PUF60: variants seen among roughly 807,000 people sequenced by gnomAD.
PUF60 encodes poly(U)-binding-splicing factor PUF60.
A neutral mutation model predicts 61.8 loss-of-function variants in PUF60; 10 were observed. The observed-to-expected ratio is 0.16, with a 90% CI of 0.10 to 0.27. The LOEUF (loss-of-function observed/expected upper bound fraction) is 0.27, where lower values mean the gene tolerates loss of function less well. Ranked by LOEUF, PUF60 falls within the 10% of genes least tolerant of loss-of-function variation. PUF60 has a pLI of 1.00. For synonymous variants in PUF60, 353 were observed against 300.9 expected (o/e 1.17, Z -1.79); for missense variants, 371 against 754.0 (o/e 0.49, Z 5.95).
At chr8:143,819,886 G>A (rs931122744) in intron 5 of PUF60, among the ~76,000 whole-genome samples, 3 of 152,000 alleles carry the variant, frequency 2.0e-5, no homozygotes, top group Non-Finnish European at 4.4e-5. Flanking sequence ...CCCCCAGCCC[G>A]GGCTCCCATT....
At chr8:143,820,454 G>A in intron 5 of PUF60, 1 of 612,214 alleles carries the variant, frequency 1.6e-6, no homozygotes, top group South Asian at 1.9e-5. Context: ...TTTAAGGTGG[G>A]CCCTCAGAGC....
rs150860124 is a variant in PUF60 at position 143,824,211 on chromosome 8, C to T, written c.111+102G>A. ...AGGGTTCCCGAGGTTCCTCCCGCCCCGCCCCCAGCCAGCCCTCTCTGGGCC... is the reference window on the plus strand; with the variant it reads ...AGGGTTCCCGAGGTTCCTCCCGCCCTGCCCCCAGCCAGCCCTCTCTGGGCC... On this transcript the variant is annotated intron_variant, in intron 2 of 11. Coordinates refer to ENST00000526683, the MANE Select transcript of PUF60 (RefSeq NM_078480.3). 5,287 of 1,252,766 alleles carry T rather than the reference C, an allele frequency of 4.2e-3. 172 individuals are homozygous for T. In the African/African-American group the frequency reaches 0.067, roughly 16 times the overall value. The allele number at this position is 1,252,766 out of a possible 1,614,324, so 77.6% of individuals were successfully genotyped here. A position where few individuals can be genotyped will look rare whatever the true frequency, so the allele number is the denominator to read the frequency against.
In PUF60 at chr8:143,818,644, C is replaced by A; in HGVS notation, c.349-110G>T. 1 of 1,183,956 alleles carries A rather than the reference C, an allele frequency of 8.4e-7. No individual in the cohort carries two copies. Among genetic ancestry groups the A allele is most frequent in the Non-Finnish European group, 1.2e-6 (1 of 863,158 alleles). 73.3% of individuals were successfully genotyped at this position (1,183,956 alleles called of 1,614,324 possible). Reference sequence around the variant, plus strand: ...ACCCAGCCCTGCTGTGGGGAGGGCTCCCCACATGACAGGGAGGTGCGGGCT... The same window carrying A: ...ACCCAGCCCTGCTGTGGGGAGGGCTACCCACATGACAGGGAGGTGCGGGCT... On this transcript the variant is annotated intron_variant, in intron 5 of 11. Transcript: ENST00000526683. This position sits in a 1 kb window ranked among gnomAD's most constrained non-coding sequence, Gnocchi z 7.9.
intron 1 of PUF60, chr8:143,828,990 G>T: frequency 1.0e-6 from 1 of 992,640 alleles, no homozygotes; most frequent in South Asian, 4.7e-5. Context: ...GGACCTAGCG[G>T]ACAGGAACGC....
At chr8:143,821,527 G>A in intron 4 of PUF60, 70 bp downstream of exon 4, 1 of 1,328,880 alleles carries the variant, frequency 7.5e-7, no homozygotes, top group Non-Finnish European at 1.0e-6. Flanking sequence ...CCCAGGAGGA[G>A]GAAGAGCGTG....
At chr8:143,823,298 C>G (rs541028242) in intron 2 of PUF60, 1 of 154,198 alleles carries the variant, frequency 6.5e-6, no homozygotes, top group East Asian at 1.9e-4. Context: ...GTGCCCCAGT[C>G]CGGCTCACAC....
At position 143,818,146 on chromosome 8, in the gene PUF60, G is replaced by A; in HGVS notation, c.603+47C>T. 1.3e-6 allele frequency: 2 copies of A among 1,598,766 alleles called. No individual in the cohort carries two copies. The highest frequency in any genetic ancestry group is 1.1e-5 in the South Asian group (1 of 89,452). ...GGCCACAAAAGGCTTCCGTGGAGGG[G>A]CAGCCCTGCACGCCTGCGGGATCGA... On this transcript the variant is annotated intron_variant, in intron 7 of 11. Transcript: ENST00000526683. This position sits in a 1 kb window ranked among gnomAD's most constrained non-coding sequence, Gnocchi z 7.9.
Position 143,816,850 on chromosome 8 carries a change from G to A in PUF60, c.1381-31C>T, listed in dbSNP as rs748327290. The A allele has an allele frequency of 4.4e-6, 7 of 1,604,752 alleles. No individual in the cohort carries two copies. The Admixed American group carries it at 8.4e-5, about 19-fold the overall frequency. ...GGGCAGGGCCGAGGGGAAGACAGCT[G>A]AGCACTGCGGCCCCGCCCCCCTACC... On this transcript the variant is annotated intron_variant, in intron 11 of 11. Coordinates refer to ENST00000526683, the MANE Select transcript of PUF60 (RefSeq NM_078480.3).
At chr8:143,829,105 G>GCCGCCGGCGCGCGC (rs1818004056) in intron 1 of PUF60, 175 bp downstream of exon 1, 1 of 1,140,876 alleles carries the variant, frequency 8.8e-7, no homozygotes, top group South Asian at 4.3e-5. Context: ...CCGCGAGCCG[G>GCCGCCGGCGCGCGC]CCGCCGGCGC....
intron 1 of PUF60, among the ~76,000 whole-genome samples, chr8:143,825,592 G>A (rs992806254): frequency 2.6e-5 from 4 of 151,994 alleles, no homozygotes; most frequent in African/African-American, 7.3e-5. Flanking sequence ...GTGCAACTAC[G>A]GCTTACTGCA....
chr8:143,818,639 G>A lies in PUF60; in HGVS notation c.349-105C>T, dbSNP rs748157247. The A allele has an allele frequency of 3.1e-6, 4 of 1,272,848 alleles. No individual in the cohort carries two copies. The highest frequency in any genetic ancestry group is 4.3e-6 in the Non-Finnish European group (4 of 940,844). 78.8% of individuals were successfully genotyped at this position (1,272,848 alleles called of 1,614,324 possible). A position where few individuals can be genotyped will look rare whatever the true frequency, so the allele number is the denominator to read the frequency against. On this transcript the variant is annotated intron_variant, in intron 5 of 11. Coordinates refer to ENST00000526683, the MANE Select transcript of PUF60 (RefSeq NM_078480.3). This position sits in a 1 kb window ranked among gnomAD's most constrained non-coding sequence, Gnocchi z 7.9. ...CACCCACCCAGCCCTGCTGTGGGGA[G>A]GGCTCCCCACATGACAGGGAGGTGC...
rs1816681561 is a variant in PUF60 at position 143,818,776 on chromosome 8, G to A, written c.349-242C>T. ...GCACCCCAGCCCGCCAAGGTCCCAGGCAGACTGCGGCAGCAAAGCCGACAG... is the reference window on the plus strand; with the variant it reads ...GCACCCCAGCCCGCCAAGGTCCCAGACAGACTGCGGCAGCAAAGCCGACAG... On this transcript the variant is annotated intron_variant, in intron 5 of 11. Coordinates refer to ENST00000526683, the MANE Select transcript of PUF60 (RefSeq NM_078480.3). The surrounding 1 kb of genome is among the most constrained non-coding windows in gnomAD (Gnocchi z 7.9). 1 of 551,818 alleles carries A rather than the reference G, an allele frequency of 1.8e-6. No individual in the cohort carries two copies. The highest frequency in any genetic ancestry group is 3.2e-6 in the Non-Finnish European group (1 of 312,842). 34.2% of individuals were successfully genotyped at this position (551,818 alleles called of 1,614,324 possible).
At chr8:143,822,067 C>T (rs1388195997) in intron 2 of PUF60, among the ~76,000 whole-genome samples, 154 bp from the exon 3 acceptor site, 1 of 152,108 alleles carries the variant, frequency 6.6e-6, no homozygotes, top group Non-Finnish European at 1.5e-5. Context: ...GCCACTGTCT[C>T]CCCCGGGACC....
chr8:143,829,098 C>A, intron 1 of PUF60, 182 bp downstream of exon 1: 1 of 1,120,770 alleles, frequency 8.9e-7, no homozygotes, highest in Non-Finnish European at 1.1e-6. Flanking sequence ...GCTGAGGCCG[C>A]GAGCCGGCCG....
At position 143,824,353 on chromosome 8, in the gene PUF60, G is replaced by A. The variant is rs760947547; in HGVS notation, c.71C>T (p.Ala24Val). ...TTTGTCTCCCGCTGCCACCACTGCC[G>A]CCGCCGCCGCCGGCTCGGACCCCCC... Reference protein sequence around the residue: ...QGGGSEPAAAAAVVAAGDKWK... With the variant: ...QGGGSEPAAAVAVVAAGDKWK... Residue 24 changes from alanine to valine, a missense_variant, in exon 2 of 12, where the codon GCG (alanine) becomes GTG (valine). Physicochemically the swap from Ala to Val is moderately conservative, Grantham distance 64. Transcript: ENST00000526683. 12 of 1,612,020 alleles carry A rather than the reference G, an allele frequency of 7.4e-6. No individual in the cohort carries two copies. The highest frequency in any genetic ancestry group is 1.7e-5 in the Admixed American group (1 of 59,968).
At position 143,818,092 on chromosome 8, in the gene PUF60, G is replaced by A. The variant is rs753832164; in HGVS notation, c.604-17C>T. 2.5e-6 allele frequency: 4 copies of A among 1,609,404 alleles called. No individual in the cohort carries two copies. The highest frequency in any genetic ancestry group is 1.7e-5 in the Admixed American group (1 of 59,682). On this transcript the variant is annotated splice_polypyrimidine_tract_variant and intron_variant, in intron 7 of 11. Transcript: ENST00000526683. This position sits in a 1 kb window ranked among gnomAD's most constrained non-coding sequence, Gnocchi z 7.9. The stretch of plus-strand genomic sequence containing the variant: ...TCTGCCCACCTGGGGAAGAGGCGGT[G>A]AGATGGAAAGACCGGTCAACCCAGG...
intron 1 of PUF60, 55 bp from the exon 2 acceptor site, chr8:143,824,454 C>T (rs1817418259): frequency 6.4e-7 from 1 of 1,562,212 alleles, no homozygotes; most frequent in African/African-American, 1.3e-5. Context: ...ACCGCCCAGG[C>T]CTGCTCTCCT....
Position 143,821,638 on chromosome 8 carries a change from G to T in PUF60, c.256C>A (p.Gln86Lys). The stretch of plus-strand genomic sequence containing the variant: ...TGCTGCTGCTGGTGCGCGATGGTCT[G>T]CTTCACCAGCACACTCTTGATGCTC... ...EQSIKSVLVKQTIAHQQQQLT... is the reference protein window; with the variant it reads ...EQSIKSVLVKKTIAHQQQQLT... The change falls in exon 4 of 12, where the codon CAG (glutamine) becomes AAG (lysine). Residue 86 changes from glutamine to lysine, a missense_variant. Coordinates refer to ENST00000526683, the MANE Select transcript of PUF60 (RefSeq NM_078480.3). The T allele has an allele frequency of 6.5e-7, 1 of 1,546,802 alleles. No individual in the cohort carries two copies. The highest frequency in any genetic ancestry group is 8.7e-7 in the Non-Finnish European group (1 of 1,147,142).
chr8:143,821,298 C>T (rs1034739355), intron 4 of PUF60: 3 of 553,064 alleles, frequency 5.4e-6, no homozygotes, highest in Non-Finnish European at 9.7e-6. Context: ...GGGCAGGGAG[C>T]ACGGGAGAGA....
Sources: gnomAD v4.1 joint callset for allele counts (sites outside exome capture counted in the v4.1 genomes callset) on GRCh38, gnomAD v4.1.1 for gene constraint, Gnocchi (gnomAD v3.1) non-coding constraint, MANE v1.5 for transcripts, NCBI Gene and HGNC (gene_info 2026-07-23, HGNC 2026-07-21) for gene names.